ST7: variants seen among roughly 807,000 people sequenced by gnomAD.
ST7 encodes the protein suppressor of tumorigenicity 7 protein.
ST7 carries 28 observed loss-of-function variants against 78.7 expected under a neutral mutation model. The ratio of observed to expected loss-of-function variants is 0.36; its 90% CI spans 0.26 to 0.49. ST7 has a LOEUF of 0.49. Among genes scored for constraint, ST7 ranks in the 20% least tolerant of loss-of-function variants. The probability of loss-of-function intolerance (pLI) is 0.99; values close to 1 mark genes in which losing one functional copy is unlikely to be tolerated. For missense variants in ST7, 418 were observed against 696.0 expected, an observed-to-expected ratio of 0.60 and a Z score of 4.49; for synonymous variants, 247 against 249.6, an observed-to-expected ratio of 0.99 and a Z score of 0.10.
intron 1 of ST7, among the ~76,000 whole-genome samples, chr7:117,052,842 T>G (rs906942728): frequency 2.0e-5 from 3 of 152,164 alleles, no homozygotes; most frequent in African/African-American, 4.8e-5. Flanking sequence ...TGCAGTGAGC[T>G]GAGATCGCGC....
chr7:117,063,969 A>G (rs1798494294), intron 1 of ST7, among the ~76,000 whole-genome samples: 2 of 152,178 alleles, frequency 1.3e-5, no homozygotes, highest in South Asian at 4.1e-4. Flanking sequence ...AATTTTCAGA[A>G]CATTAAATTT....
chr7:116,985,919 G>A (rs1396244376), intron 1 of ST7, among the ~76,000 whole-genome samples: 4 of 152,082 alleles, frequency 2.6e-5, no homozygotes, highest in Admixed American at 6.5e-5. Context: ...TGCAACCTCC[G>A]CCTCCCAGGT....
At chr7:117,107,266 G>A (rs1366272344) in intron 2 of ST7, among the ~76,000 whole-genome samples, 2 of 152,036 alleles carry the variant, frequency 1.3e-5, no homozygotes, top group Admixed American at 1.3e-4. Flanking sequence ...TGACTTCTTT[G>A]CCTCTGGGTA....
intron 1 of ST7, among the ~76,000 whole-genome samples, chr7:116,961,555 CGTGT>C (rs35640208): frequency 0.055 from 7,584 of 138,306 alleles, 183 homozygotes; most frequent in African/African-American, 0.067. Context: ...TGTATTCCTA[CGTGT>C]GTGTGTGTGT....
intron 1 of ST7, among the ~76,000 whole-genome samples, chr7:117,079,255 A>T (rs573672464): frequency 1.3e-5 from 2 of 152,280 alleles, no homozygotes; most frequent in Admixed American, 6.5e-5. Flanking sequence ...ATACAGGAGG[A>T]TGTGCATAAG....
intron 13 of ST7, among the ~76,000 whole-genome samples, chr7:117,216,831 G>A (rs906724674): frequency 7.1e-6 from 1 of 140,938 alleles, no homozygotes; most frequent in African/African-American, 2.6e-5. Flanking sequence ...AGCACCATAA[G>A]CATCTTTATA....
intron 1 of ST7, among the ~76,000 whole-genome samples, chr7:117,055,921 G>C (rs181650949): frequency 1.3e-5 from 2 of 152,286 alleles, no homozygotes; most frequent in African/African-American, 2.4e-5. Context: ...CTGCAAGCTT[G>C]AGCAAGAACA....
At chr7:116,984,113 CTGTGTGTG>C (rs56178812) in intron 1 of ST7, among the ~76,000 whole-genome samples, 6 of 144,674 alleles carry the variant, frequency 4.1e-5, no homozygotes, top group South Asian at 4.5e-4. Flanking sequence ...TTTATGTCAG[CTGTGTGTG>C]TGTGTGTGTG....
At chr7:117,217,288 G>GAAAA (rs769471735) in intron 13 of ST7, among the ~76,000 whole-genome samples, 1 of 126,530 alleles carries the variant, frequency 7.9e-6, no homozygotes, top group African/African-American at 2.9e-5. Flanking sequence ...CTGGATTTGG[G>GAAAA]AAAAAAAAAA....
intron 1 of ST7, among the ~76,000 whole-genome samples, chr7:117,060,099 G>A (rs1482249354): frequency 6.6e-6 from 1 of 152,088 alleles, no homozygotes; most frequent in African/African-American, 2.4e-5. Context: ...TTAAAATTTT[G>A]TTCTGGATTT....
Position 117,190,702 on chromosome 7 carries a change from A to G in ST7, c.1152-132A>G. ...GTCCGTGGGGTCACTCAGAGGTTCC[A>G]TGCAGTAGAAGTTTGGAGAGCTCAT... On this transcript the variant is annotated intron_variant, in intron 11 of 15. Coordinates refer to ENST00000323984, the MANE Select transcript of ST7 (RefSeq NM_001369598.1). This position sits in a 1 kb window ranked among gnomAD's most constrained non-coding sequence, Gnocchi z 5.2. The G allele has an allele frequency of 3.0e-6, 2 of 665,780 alleles. No homozygotes were observed. Among genetic ancestry groups the G allele is most frequent in the Non-Finnish European group, 5.2e-6 (2 of 384,596 alleles). 41.2% of individuals were successfully genotyped at this position (665,780 alleles called of 1,614,324 possible).
chr7:117,007,082 G>A (rs1795188231), intron 1 of ST7, among the ~76,000 whole-genome samples: 1 of 152,188 alleles, frequency 6.6e-6, no homozygotes, highest in South Asian at 2.1e-4. Flanking sequence ...GTGAAAGGAA[G>A]AGTCATATGC....
At chr7:117,204,636 C>CA (rs1237788959) in intron 12 of ST7, among the ~76,000 whole-genome samples, 6 of 152,160 alleles carry the variant, frequency 3.9e-5, no homozygotes, top group African/African-American at 1.4e-4. Flanking sequence ...CATTGAAACT[C>CA]AGACTATGTG....
intron 3 of ST7, among the ~76,000 whole-genome samples, chr7:117,121,102 A>C (rs866936153): frequency 1.1e-4 from 17 of 152,242 alleles, no homozygotes; most frequent in African/African-American, 3.9e-4. Flanking sequence ...TTCAAAGGCT[A>C]TAGTGACTCA....
intron 1 of ST7, among the ~76,000 whole-genome samples, chr7:116,965,222 CCCAGCTACT>C (rs1793044631): frequency 6.6e-6 from 1 of 151,644 alleles, no homozygotes; most frequent in Non-Finnish European, 1.5e-5. Flanking sequence ...CGCCTGTAGT[CCCAGCTACT>C]CCAGAGGCTG....
intron 2 of ST7, among the ~76,000 whole-genome samples, chr7:117,112,967 C>G (rs1023125289): frequency 1.3e-5 from 2 of 152,186 alleles, no homozygotes; most frequent in African/African-American, 4.8e-5. Flanking sequence ...ATTGATACCT[C>G]TCGTGGACTG....
chr7:117,054,027 G>A (rs765915791), intron 1 of ST7, among the ~76,000 whole-genome samples: 17 of 151,916 alleles, frequency 1.1e-4, no homozygotes, highest in South Asian at 2.1e-4. Context: ...TAGTAGAGAT[G>A]GGGTTTCACC....
chr7:117,132,861 G>A (rs1184870363), intron 6 of ST7, among the ~76,000 whole-genome samples: 1 of 151,748 alleles, frequency 6.6e-6, no homozygotes, highest in Non-Finnish European at 1.5e-5. Flanking sequence ...CAGGAATAGA[G>A]CCCTGTGACA....
intron 15 of ST7, chr7:117,223,556 G>A (rs189980635): frequency 8.4e-5 from 13 of 154,668 alleles, no homozygotes; most frequent in Admixed American, 7.0e-4. Context: ...CCAGGCTCTC[G>A]CACACCTCTG....
Sources: allele counts gnomAD v4.1 joint callset (sites outside exome capture counted in the v4.1 genomes callset), GRCh38; gene constraint gnomAD v4.1.1; non-coding constraint Gnocchi (gnomAD v3.1); transcripts MANE v1.5; gene names NCBI Gene and HGNC (gene_info 2026-07-23, HGNC 2026-07-21).